The following EYA2 variants were observed in gnomAD, a reference collection of about 807,000 sequenced individuals.
EYA2 encodes the protein EYA transcriptional coactivator and phosphatase 2.
In EYA2, 31 loss-of-function variants were observed where a neutral mutation model predicts 69.2. That is an observed-to-expected ratio of 0.45 (90% CI 0.34 to 0.60). The LOEUF (loss-of-function observed/expected upper bound fraction) is 0.60. Ranked by LOEUF, EYA2 falls within the 20% of genes least tolerant of loss-of-function variation. The probability of loss-of-function intolerance (pLI) is 0.02; values close to 1 mark genes in which losing one functional copy is unlikely to be tolerated. For synonymous variants in EYA2, 257 were observed against 279.4 expected, an observed-to-expected ratio of 0.92 and a Z score of 0.80; for missense variants, 622 against 701.2, an observed-to-expected ratio of 0.89 and a Z score of 1.28.
chr20:46,973,403 C>T (rs981073737), intron 1 of EYA2, among the ~76,000 whole-genome samples: 1 of 152,136 alleles, frequency 6.6e-6, no homozygotes, highest in Non-Finnish European at 1.5e-5. Flanking sequence ...GTGCAGACTT[C>T]GTTTAGATTC....
chr20:46,940,207 A>G (rs1338651334), intron 1 of EYA2, among the ~76,000 whole-genome samples: 4 of 152,244 alleles, frequency 2.6e-5, no homozygotes, highest in Non-Finnish European at 5.9e-5. Context: ...GTGCAGGAAC[A>G]CAAGTCAATA....
chr20:47,105,215 T>C (rs1276125606), intron 9 of EYA2, among the ~76,000 whole-genome samples: 1 of 152,236 alleles, frequency 6.6e-6, no homozygotes, highest in Non-Finnish European at 1.5e-5. Context: ...ACCTTTATAA[T>C]TGGCATCTCC....
At chr20:47,014,690 C>T (rs58187694) in intron 4 of EYA2, among the ~76,000 whole-genome samples, 5,149 of 148,992 alleles carry the variant, frequency 0.035, 235 homozygotes, top group African/African-American at 0.11. Context: ...CTATAAGCTG[C>T]AGCAAATACA....
chr20:47,172,168 G>A (rs2034335022), intron 11 of EYA2, among the ~76,000 whole-genome samples: 1 of 151,502 alleles, frequency 6.6e-6, no homozygotes, highest in Non-Finnish European at 1.5e-5. Flanking sequence ...GCACGGTGGT[G>A]CATGCCTATA....
chr20:46,942,187 T>TTTTTA (rs1394351601), intron 1 of EYA2, among the ~76,000 whole-genome samples: 6 of 151,854 alleles, frequency 4.0e-5, no homozygotes, highest in African/African-American at 1.2e-4. Context: ...GAAAGATACC[T>TTTTTA]TTTTATTTTA....
intron 1 of EYA2, among the ~76,000 whole-genome samples, chr20:46,934,723 G>A (rs1291092776): frequency 6.6e-6 from 1 of 152,066 alleles, no homozygotes; most frequent in Non-Finnish European, 1.5e-5. Context: ...TTTATTGGAT[G>A]GGACAGGGGA....
chr20:46,936,613 GT>G (rs1568675130), intron 1 of EYA2, among the ~76,000 whole-genome samples: 1 of 152,162 alleles, frequency 6.6e-6, no homozygotes, highest in East Asian at 1.9e-4. Flanking sequence ...AAAGGCAGGT[GT>G]CTTTCTCTCA....
At chr20:47,007,420 A>T (rs1982783952) in intron 4 of EYA2, among the ~76,000 whole-genome samples, 1 of 152,104 alleles carries the variant, frequency 6.6e-6, no homozygotes, top group African/African-American at 2.4e-5. Context: ...GGCCCTGGGA[A>T]TGGGGAGGAA....
chr20:46,968,188 A>G (rs949193269), intron 1 of EYA2, among the ~76,000 whole-genome samples: 6 of 152,228 alleles, frequency 3.9e-5, no homozygotes, highest in African/African-American at 1.4e-4. Context: ...GGGGGAGGAC[A>G]AGAGACAGGC....
At chr20:46,999,230 A>C (rs1982211957) in intron 2 of EYA2, among the ~76,000 whole-genome samples, 1 of 152,250 alleles carries the variant, frequency 6.6e-6, no homozygotes, top group Admixed American at 6.5e-5. Context: ...TAACTTATGC[A>C]GTACTAAATG....
intron 5 of EYA2, among the ~76,000 whole-genome samples, chr20:47,040,842 G>T (rs79449231): frequency 1.3e-5 from 2 of 152,130 alleles, no homozygotes; most frequent in African/African-American, 2.4e-5. Context: ...TGGGGGTTAG[G>T]GGGGAGGTTA....
intron 1 of EYA2, among the ~76,000 whole-genome samples, chr20:46,951,278 T>C (rs979027737): frequency 2.0e-5 from 3 of 152,136 alleles, no homozygotes; most frequent in Non-Finnish European, 4.4e-5. Context: ...GAGGGATTTT[T>C]TCTGTAACCA....
rs773580250 is a variant in EYA2 at position 47,169,135 on chromosome 20, A to G, written c.979-4A>G. On this transcript the variant is annotated splice_polypyrimidine_tract_variant and splice_region_variant and intron_variant, in intron 10 of 15. Coordinates refer to ENST00000327619, the MANE Select transcript of EYA2 (RefSeq NM_005244.5). ...TCTCTCTCTCTCTGTCAAATTTTCC[A>G]TAGGATTGTGACCAGATCCACGTTG... is the stretch of plus-strand genomic sequence containing the variant. 19 of 1,613,576 alleles carry G rather than the reference A, an allele frequency of 1.2e-5. No individual in the cohort carries two copies. The Admixed American group carries it at 2.7e-4, about 23-fold the overall frequency.
intron 1 of EYA2, among the ~76,000 whole-genome samples, chr20:46,963,354 A>T (rs1001224700): frequency 6.6e-6 from 1 of 152,218 alleles, no homozygotes; most frequent in Non-Finnish European, 1.5e-5. Flanking sequence ...TGCTCACATC[A>T]GTCAGTCGTC....
intron 11 of EYA2, among the ~76,000 whole-genome samples, chr20:47,170,595 C>G (rs548514678): frequency 1.3e-5 from 2 of 150,580 alleles, no homozygotes; most frequent in Non-Finnish European, 3.0e-5. Context: ...TGCAGCGAGC[C>G]GAGATCGTGC....
chr20:47,167,207 G>A (rs1464162017), intron 10 of EYA2: 1 of 153,836 alleles, frequency 6.5e-6, no homozygotes, highest in Admixed American at 6.6e-5. Context: ...CCCAGTTACT[G>A]GCTTCGAACA....
intron 1 of EYA2, among the ~76,000 whole-genome samples, chr20:46,930,601 C>CA (rs1985626247): frequency 6.6e-6 from 1 of 151,564 alleles, no homozygotes; most frequent in African/African-American, 2.4e-5. Flanking sequence ...GAGATGATGA[C>CA]AAAAAAGGGG....
chr20:47,167,103 G>A (rs980863042), intron 10 of EYA2: 1 of 154,392 alleles, frequency 6.5e-6, no homozygotes, highest in African/African-American at 2.4e-5. Context: ...CATCCCTTAC[G>A]ACTCTTGGCT....
chr20:47,031,025 C>T (rs1008420884), intron 5 of EYA2, among the ~76,000 whole-genome samples: 1 of 152,124 alleles, frequency 6.6e-6, no homozygotes, highest in Non-Finnish European at 1.5e-5. Context: ...TTGGGGGTTA[C>T]AGCTTCAACA....
Sources: gnomAD v4.1 joint callset for allele counts (sites outside exome capture counted in the v4.1 genomes callset) on GRCh38, gnomAD v4.1.1 for gene constraint, MANE v1.5 for transcripts, NCBI Gene and HGNC (gene_info 2026-07-23, HGNC 2026-07-21) for gene names.